The following GALNT2 variants were observed in gnomAD, a reference collection of about 807,000 sequenced individuals.
The protein encoded by GALNT2 is polypeptide N-acetylgalactosaminyltransferase 2, also known as UDP-GalNAc:polypeptide N-acetylgalactosaminyltransferase 2.
A neutral mutation model predicts 81.4 loss-of-function variants in GALNT2; 31 were observed. The observed-to-expected ratio is 0.38, with a 90% confidence interval of 0.29 to 0.51. The LOEUF is 0.51. GALNT2 is among the 20% of genes least tolerant of loss of function. The probability of loss-of-function intolerance (pLI) is 0.87; values close to 1 mark genes in which losing one functional copy is unlikely to be tolerated. For synonymous variants in GALNT2, 303 were observed against 287.4 expected (o/e 1.05, Z -0.55); for missense variants, 629 against 765.7 (o/e 0.82, Z 2.11).
chr1:230,255,359 G>A lies in GALNT2; in HGVS notation c.1136+15G>A. The stretch of plus-strand genomic sequence containing the variant: ...GTCTTTGCCCGGTAAGTAGTGAAAG[G>A]CTGAGCGGGGTCCAAAACATTGATG... On this transcript the variant is annotated intron_variant, in intron 11 of 15. Coordinates refer to ENST00000366672, the MANE Select transcript of GALNT2 (RefSeq NM_004481.5). 1 of 1,614,204 alleles carries A rather than the reference G, an allele frequency of 6.2e-7. No individual in the cohort carries two copies. Among genetic ancestry groups the A allele is most frequent in the Middle Eastern group, 1.6e-4 (1 of 6,062 alleles).
intron 2 of GALNT2, among the ~76,000 whole-genome samples, chr1:230,185,647 C>T (rs540517306): frequency 1.4e-4 from 22 of 152,168 alleles, no homozygotes; most frequent in Non-Finnish European, 2.6e-4. Context: ...TAGTTTCTCC[C>T]GATGGCAGGC....
Position 230,203,189 on chromosome 1 carries a change from G to A in GALNT2, c.273G>A (p.Met91Ile). 1 of 1,614,178 alleles carries A rather than the reference G, an allele frequency of 6.2e-7. No homozygotes were observed. The highest frequency in any genetic ancestry group is 1.3e-5 in the African/African-American group (1 of 75,044). ...FNQEAYVGGT[M>I]VRSGQDPYAR... Reference sequence around the variant, plus strand: ...AGGAAGCTTATGTTGGAGGGACGATGGTCCGCTCCGGGCAGGACCCTTACG... The same window carrying A: ...AGGAAGCTTATGTTGGAGGGACGATAGTCCGCTCCGGGCAGGACCCTTACG... The change falls in exon 3 of 16, where the codon ATG (methionine) becomes ATA (isoleucine). Residue 91 changes from methionine (M) to isoleucine (I), a missense_variant. By Grantham distance (10) the Met-to-Ile change is conservative. Around this residue, in one of 3 missense-constraint regions of GALNT2, gnomAD observed 360 missense variants for 492.8 expected, o/e 0.73. Transcript: ENST00000366672.
At chr1:230,121,025 G>A (rs528250231) in intron 1 of GALNT2, among the ~76,000 whole-genome samples, 1 of 152,188 alleles carries the variant, frequency 6.6e-6, no homozygotes. Context: ...AGAATGGTAC[G>A]CACCAAGTGG....
intron 1 of GALNT2, among the ~76,000 whole-genome samples, chr1:230,162,985 A>G (rs934804255): frequency 1.3e-5 from 2 of 152,176 alleles, no homozygotes; most frequent in African/African-American, 4.8e-5. Context: ...CATTAAATCA[A>G]TGTGTATGCC....
chr1:230,063,995 A>C (rs1406286932), upstream of GALNT2, among the ~76,000 whole-genome samples: 1 of 151,976 alleles, frequency 6.6e-6, no homozygotes, highest in Non-Finnish European at 1.5e-5. Context: ...TGTTTCTTTC[A>C]TTATTTGGTA....
intron 1 of GALNT2, among the ~76,000 whole-genome samples, chr1:230,136,214 G>T (rs1661533067): frequency 6.6e-6 from 1 of 152,112 alleles, no homozygotes; most frequent in African/African-American, 2.4e-5. Context: ...TCTTCTGGGG[G>T]TGGGTCAGGT....
intron 1 of GALNT2, among the ~76,000 whole-genome samples, chr1:230,142,210 T>A (rs1327532690): frequency 6.6e-6 from 1 of 152,028 alleles, no homozygotes; most frequent in Non-Finnish European, 1.5e-5. Context: ...CCAGGAAGCA[T>A]GAGGGATGGC....
At position 230,275,410 on chromosome 1, in the gene GALNT2, TAA is replaced by T. The variant is rs1316412796; in HGVS notation, c.1560+848_1560+849del. 6.7e-6 allele frequency among the ~76,000 whole-genome samples: 1 copy of T among 150,164 alleles called. No homozygotes were observed. Among genetic ancestry groups the T allele is most frequent in the Non-Finnish European group, 1.5e-5 (1 of 67,520 alleles). ...TATACACGCCACATATATACATATG[TAA>T]ACACCACATATATACACACCACATA... is the stretch of plus-strand genomic sequence containing the variant. On this transcript the variant is annotated intron_variant, in intron 15 of 15. Transcript: ENST00000366672. This position sits in a 1 kb window ranked among gnomAD's most constrained non-coding sequence, Gnocchi z 5.5.
chr1:230,135,946 G>A (rs929216276), intron 1 of GALNT2, among the ~76,000 whole-genome samples: 2 of 151,790 alleles, frequency 1.3e-5, no homozygotes, highest in Admixed American at 6.6e-5. Context: ...CCCCACCTCC[G>A]CCTCCCAAAG....
intron 1 of GALNT2, among the ~76,000 whole-genome samples, chr1:230,150,196 C>T (rs541512109): frequency 2.6e-5 from 4 of 152,274 alleles, no homozygotes; most frequent in Non-Finnish European, 5.9e-5. Flanking sequence ...GGAGAGCCAT[C>T]GCCTGCTTGG....
chr1:230,119,919 C>A lies in GALNT2; in HGVS notation c.126+52513C>A, dbSNP rs565960625. On this transcript the variant is annotated intron_variant, in intron 1 of 15. Transcript: ENST00000366672. ...CGTGATTGTCATGGCCTTTGAGGAC[C>A]GTGTTGCTGTATACTGTGGTAAGAT... Among the ~76,000 whole-genome samples the A allele has an allele frequency of 1.8e-3, 271 of 152,198 alleles. 3 individuals carry two copies. The highest frequency in any genetic ancestry group is 6.0e-3 in the African/African-American group (249 of 41,516).
At chr1:230,221,956 C>T (rs1158815004) in intron 3 of GALNT2, among the ~76,000 whole-genome samples, 1 of 151,182 alleles carries the variant, frequency 6.6e-6, no homozygotes, top group African/African-American at 2.4e-5. Flanking sequence ...TCTCTGGTTT[C>T]TCCTCCTTAC....
chr1:230,093,052 T>A (rs7536663), intron 1 of GALNT2, among the ~76,000 whole-genome samples: 107,766 of 151,992 alleles, frequency 0.71, 38,451 homozygotes, highest in African/African-American at 0.78. Context: ...AAACCCAAAG[T>A]GCTGGCCGAT....
At chr1:230,178,879 CAG>C (rs1355153443) in intron 2 of GALNT2, among the ~76,000 whole-genome samples, 1 of 152,136 alleles carries the variant, frequency 6.6e-6, no homozygotes, top group Non-Finnish European at 1.5e-5. Context: ...TAGTATCATA[CAG>C]AGTCGTTTCA....
At chr1:230,217,434 G>A (rs12022296) in intron 3 of GALNT2, among the ~76,000 whole-genome samples, 11,937 of 152,220 alleles carry the variant, frequency 0.078, 976 homozygotes, top group African/African-American at 0.19. Flanking sequence ...AGCCAGAGTC[G>A]CTAGGCAGGT....
At chr1:230,204,563 G>A (rs1315078871) in intron 3 of GALNT2, among the ~76,000 whole-genome samples, 1 of 152,140 alleles carries the variant, frequency 6.6e-6, no homozygotes, top group Non-Finnish European at 1.5e-5. Context: ...AAGAGTATTT[G>A]TCACCACTTA....
chr1:230,157,081 C>G lies in GALNT2; in HGVS notation c.127-21137C>G, dbSNP rs566085272. On this transcript the variant is annotated intron_variant, in intron 1 of 15. Coordinates refer to ENST00000366672, the MANE Select transcript of GALNT2 (RefSeq NM_004481.5). ...TAAATAAGACCATCCCAGGAGGGCT[C>G]TCATTTAAGGCCTCGTGTACTGTGG... Among the ~76,000 whole-genome samples, 185 of 152,276 alleles carry G rather than the reference C, an allele frequency of 1.2e-3. 1 individual carries two copies. Among genetic ancestry groups the G allele is most frequent in the African/African-American group, 4.3e-3 (178 of 41,556 alleles).
At position 230,145,324 on chromosome 1, in the gene GALNT2, G is replaced by C. The variant is rs942142799; in HGVS notation, c.127-32894G>C. Among the ~76,000 whole-genome samples, 9 of 152,280 alleles carry C rather than the reference G, an allele frequency of 5.9e-5. No homozygotes were observed. In the East Asian group the frequency reaches 1.7e-3, roughly 29 times the overall value. ...AGCTCCCCTGACCCCTAAGTTTGTG[G>C]GGTTTCCTGGCCAGGCCTCAGACTC... is the stretch of plus-strand genomic sequence containing the variant. On this transcript the variant is annotated intron_variant, in intron 1 of 15. Transcript: ENST00000366672.
At chr1:230,170,840 G>A (rs1211490091) in intron 1 of GALNT2, among the ~76,000 whole-genome samples, 2 of 152,104 alleles carry the variant, frequency 1.3e-5, no homozygotes, top group Non-Finnish European at 2.9e-5. Flanking sequence ...ACCATGGGGA[G>A]AGCACAAAGC....
Sources: allele counts gnomAD v4.1 joint callset (sites outside exome capture counted in the v4.1 genomes callset), GRCh38; gene constraint gnomAD v4.1.1; regional missense constraint gnomAD v4.1.1; non-coding constraint Gnocchi (gnomAD v3.1); transcripts MANE v1.5; gene names NCBI Gene and HGNC (gene_info 2026-07-23, HGNC 2026-07-21).